Variants in ARHGAP6 observed in about 807,000 individuals in gnomAD.
The protein encoded by ARHGAP6 is Rho GTPase activating protein 6.
Under a neutral mutation model 55.7 loss-of-function variants are expected in ARHGAP6, and 16 were observed. That is an observed-to-expected ratio of 0.29 (90% confidence interval 0.19 to 0.44). The LOEUF (loss-of-function observed/expected upper bound fraction) is 0.44. Among genes scored for constraint, ARHGAP6 ranks in the 20% least tolerant of loss-of-function variants. The pLI, the probability that ARHGAP6 is intolerant of heterozygous loss-of-function variation, is 1.00. For missense variants in ARHGAP6, 698 were observed against 808.9 expected (o/e 0.86, Z 1.66); for synonymous variants, 382 against 360.9 (o/e 1.06, Z -0.66).
At chrX:11,448,849 A>C (rs1051331287) in intron 1 of ARHGAP6, among the ~76,000 whole-genome samples, 4 of 111,649 alleles carry the variant, frequency 3.6e-5, no homozygotes, top group Non-Finnish European at 7.5e-5. Flanking sequence ...CAAATTTATC[A>C]TGTGAAATAC....
chrX:11,241,969 C>T (rs2047288260), intron 2 of ARHGAP6, among the ~76,000 whole-genome samples: 1 of 111,628 alleles, frequency 9.0e-6, no homozygotes, highest in South Asian at 3.8e-4. Flanking sequence ...GTGAAATTAT[C>T]AAAGGTGTGG....
At chrX:11,224,662 A>AG (rs111677413) in intron 2 of ARHGAP6, among the ~76,000 whole-genome samples, 5,904 of 107,145 alleles carry the variant, frequency 0.055, 199 homozygotes, top group African/African-American at 0.12. Flanking sequence ...ATGTTGGTGG[A>AG]GGGGGGGCGG....
chrX:11,390,631 A>T (rs2049391421), intron 1 of ARHGAP6, among the ~76,000 whole-genome samples: 1 of 111,535 alleles, frequency 9.0e-6, no homozygotes, highest in Non-Finnish European at 1.9e-5. Flanking sequence ...AAAACAAACA[A>T]CCCCATCAAA....
At chrX:11,432,139 G>T (rs2049946337) in intron 1 of ARHGAP6, among the ~76,000 whole-genome samples, 1 of 112,397 alleles carries the variant, frequency 8.9e-6, no homozygotes, top group African/African-American at 3.2e-5. Context: ...TAGGAAGTCA[G>T]GCATCCATAA....
At chrX:11,171,993 G>A in intron 8 of ARHGAP6, among the ~76,000 whole-genome samples, 1 of 112,022 alleles carries the variant, frequency 8.9e-6, no homozygotes, top group Admixed American at 9.4e-5. Context: ...GGATAAGTAT[G>A]GGAACTGCGT....
intron 1 of ARHGAP6, among the ~76,000 whole-genome samples, chrX:11,371,858 T>C (rs947348923): frequency 1.8e-5 from 2 of 112,558 alleles, no homozygotes; most frequent in African/African-American, 6.4e-5. Flanking sequence ...ACGACTCTGC[T>C]GTAAGTACTA....
At chrX:11,587,318 G>A (rs5933904) in intron 1 of ARHGAP6, among the ~76,000 whole-genome samples, 40,783 of 110,570 alleles carry the variant, frequency 0.37, 5,719 homozygotes, top group African/African-American at 0.5. Context: ...TTTGTCATAG[G>A]TGGCTGTTAT....
chrX:11,455,830 A>T (rs1175172124), intron 1 of ARHGAP6, among the ~76,000 whole-genome samples: 1 of 111,959 alleles, frequency 8.9e-6, no homozygotes, highest in Non-Finnish European at 1.9e-5. Flanking sequence ...AAATCTTTTG[A>T]TCTATTTTCT....
intron 10 of ARHGAP6, among the ~76,000 whole-genome samples, chrX:11,151,368 G>A (rs996975984): frequency 9.2e-6 from 1 of 109,080 alleles, no homozygotes; most frequent in African/African-American, 3.3e-5. Flanking sequence ...GGGCTCAGGT[G>A]ATCCTCCTGC....
intron 1 of ARHGAP6, among the ~76,000 whole-genome samples, chrX:11,533,389 T>C (rs1453228876): frequency 8.9e-6 from 1 of 111,905 alleles, no homozygotes; most frequent in African/African-American, 3.2e-5. Context: ...GTGTAATATA[T>C]CCCCTCATTG....
At chrX:11,627,709 T>G (rs1447983885) in intron 1 of ARHGAP6, among the ~76,000 whole-genome samples, 1 of 111,837 alleles carries the variant, frequency 8.9e-6, no homozygotes, top group Non-Finnish European at 1.9e-5. Flanking sequence ...TGGTCCTCAG[T>G]TTCCTCATCT....
chrX:11,186,184 A>G, intron 5 of ARHGAP6, 52 bp downstream of exon 5: 1 of 1,084,657 alleles, frequency 9.2e-7, no homozygotes, highest in Non-Finnish European at 1.3e-6. Context: ...TCAGTGAATG[A>G]TGCTTGAATA....
chrX:11,519,886 A>G (rs1448036687), intron 1 of ARHGAP6, among the ~76,000 whole-genome samples: 16 of 102,008 alleles, frequency 1.6e-4, no homozygotes, highest in Admixed American at 1.1e-3. Flanking sequence ...TAAAAACCCT[A>G]GAAGAAAACC....
intron 1 of ARHGAP6, among the ~76,000 whole-genome samples, chrX:11,600,472 G>A (rs1164277824): frequency 5.4e-5 from 6 of 112,105 alleles, no homozygotes; most frequent in Admixed American, 1.9e-4. Context: ...CCTCACCCTC[G>A]ACCTCCACCT....
intron 1 of ARHGAP6, among the ~76,000 whole-genome samples, chrX:11,555,743 T>C (rs748221231): frequency 1.8e-5 from 2 of 110,708 alleles, no homozygotes; most frequent in African/African-American, 6.6e-5. Flanking sequence ...CAAGACTCCA[T>C]CTCAAAAACA....
chrX:11,541,228 C>T (rs1032383284), intron 1 of ARHGAP6, among the ~76,000 whole-genome samples: 3 of 111,037 alleles, frequency 2.7e-5, no homozygotes, highest in African/African-American at 9.8e-5. Flanking sequence ...TGGGCAAGAG[C>T]CTTTATTGTG....
intron 1 of ARHGAP6, among the ~76,000 whole-genome samples, chrX:11,448,109 G>A (rs759628596): frequency 8.0e-5 from 9 of 112,130 alleles, no homozygotes; most frequent in Non-Finnish European, 9.4e-5. Flanking sequence ...AACAGCTTTC[G>A]CCTCAAAGCA....
intron 1 of ARHGAP6, chrX:11,300,621 A>G: frequency 8.4e-7 from 1 of 1,196,987 alleles, no homozygotes; most frequent in African/African-American, 1.7e-5. Context: ...AAAAGATCAG[A>G]AGATGAGAGG....
intron 1 of ARHGAP6, among the ~76,000 whole-genome samples, chrX:11,288,419 T>C (rs1206630135): frequency 8.9e-6 from 1 of 112,416 alleles, no homozygotes; most frequent in Admixed American, 9.4e-5. Context: ...TTTTAATCTA[T>C]ATTTTACATA....
Sources: allele counts gnomAD v4.1 joint callset (sites outside exome capture counted in the v4.1 genomes callset), GRCh38; gene constraint gnomAD v4.1.1; transcripts MANE v1.5; gene names NCBI Gene and HGNC (gene_info 2026-07-23, HGNC 2026-07-21).